The following CEL variants were observed in gnomAD, a reference collection of about 807,000 sequenced individuals.
The protein encoded by CEL is carboxyl ester lipase.
In CEL, 39 loss-of-function variants were observed where a neutral mutation model predicts 57.1. That is an observed-to-expected ratio of 0.68 (90% CI 0.53 to 0.89). The LOEUF (loss-of-function observed/expected upper bound fraction) is 0.89. Among genes scored for constraint, CEL ranks in the 40% least tolerant of loss-of-function variants. CEL has a pLI of 0.00. For synonymous variants in CEL, 314 were observed against 396.6 expected (o/e 0.79, Z 2.48); for missense variants, 698 against 915.0 (o/e 0.76, Z 3.06).
At chr9:133,067,675 T>A (rs1306822652) in intron 7 of CEL, among the ~76,000 whole-genome samples, 1 of 152,096 alleles carries the variant, frequency 6.6e-6, no homozygotes, top group Non-Finnish European at 1.5e-5. Flanking sequence ...GCCCGGCCCC[T>A]TCTTTATTCT....
intron 7 of CEL, 35 bp downstream of exon 7, chr9:133,067,240 G>A (rs772458342): frequency 4.4e-6 from 7 of 1,586,944 alleles, no homozygotes; most frequent in Admixed American, 1.7e-5. Context: ...ATGGGGTCTC[G>A]AGGTGGGGGT....
chr9:133,070,563 C>T lies in CEL; in HGVS notation c.1389C>T (p.Phe463=), dbSNP rs554390636. ...ATGCAGATGACATTCAGTACGTTTT[C>T]GGGAAGCCCTTCGCCACCCCCACGG... ...ADHADDIQYV[F]GKPFATPTGY... Residue 463 remains phenylalanine, a synonymous_variant, in exon 10 of 11, where the codon TTC becomes TTT. Transcript: ENST00000372080. The T allele has an allele frequency of 1.5e-5, 25 of 1,614,086 alleles. No homozygotes were observed. Among genetic ancestry groups the T allele is most frequent in the Middle Eastern group, 1.6e-4 (1 of 6,062 alleles).
In CEL at chr9:133,067,101, T is replaced by C; in HGVS notation, c.791T>C (p.Val264Ala). 1.9e-6 allele frequency: 3 copies of C among 1,614,028 alleles called. No individual in the cohort carries two copies. In the South Asian group the frequency reaches 3.3e-5, roughly 18 times the overall value. The change falls in exon 7 of 11, where the codon GTG becomes GCG. Residue 264 changes from valine (V) to alanine (A), a missense_variant. By Grantham distance (64) the Val-to-Ala change is moderately conservative. This residue lies in a region of CEL where 327 missense variants were observed against 374.1 expected (regional missense o/e 0.87). Coordinates refer to ENST00000372080, the MANE Select transcript of CEL (RefSeq NM_001807.6). ...TTCTGCCCCCAGGTGGCTGAGAAGG[T>C]GGGTTGCCCTGTGGGTGATGCCGCC... Reference protein sequence around the residue: ...LFWAKKVAEKVGCPVGDAARM... With the variant: ...LFWAKKVAEKAGCPVGDAARM...
chr9:133,066,647 G>A lies in CEL; in HGVS notation c.656G>A (p.Ser219Asn). 1 of 1,613,592 alleles carries A rather than the reference G, an allele frequency of 6.2e-7. No individual in the cohort carries two copies. Among genetic ancestry groups the A allele is most frequent in the Non-Finnish European group, 8.5e-7 (1 of 1,179,906 alleles). ...TTCGGGGAGTCTGCTGGAGGTGCCA[G>A]CGTCTCTCTGCAGGTCTCGGGATCC... Reference protein sequence around the residue: ...TLFGESAGGASVSLQTLSPYN... With the variant: ...TLFGESAGGANVSLQTLSPYN... The change falls in exon 5 of 11, where the codon AGC (serine) becomes AAC (asparagine). Residue 219 changes from serine to asparagine, a missense_variant. Ser to Asn is a conservative substitution (Grantham distance 46, BLOSUM62 1). This residue lies in a region of CEL where 327 missense variants were observed against 374.1 expected (regional missense o/e 0.87). Coordinates refer to ENST00000372080, the MANE Select transcript of CEL (RefSeq NM_001807.6). This position sits in a 1 kb window ranked among gnomAD's most constrained non-coding sequence, Gnocchi z 4.3.
chr9:133,064,231 T>G (rs556655897), intron 1 of CEL, among the ~76,000 whole-genome samples, 173 bp from the exon 2 acceptor site: 2 of 152,312 alleles, frequency 1.3e-5, no homozygotes, highest in South Asian at 2.1e-4. Context: ...ACAGGAATCC[T>G]AAAGCCCTGA....
Position 133,071,742 on chromosome 9 carries a change from T to G in CEL, c.2240T>G (p.Met747Arg), listed in dbSNP as rs1241243449. The G allele has an allele frequency of 6.2e-7, 1 of 1,612,242 alleles. No homozygotes were observed. The highest frequency in any genetic ancestry group is 1.7e-5 in the Admixed American group (1 of 59,990). The part of the protein sequence containing the change: ...PPTDDSKEAQ[M>R]PAVIRF ...ACAGATGACTCCAAGGAAGCTCAGA[T>G]GCCTGCAGTCATTAGGTTTTAGCGT... Residue 747 changes from methionine (M) to arginine (R), a missense_variant, in exon 11 of 11, where the codon ATG becomes AGG. Around this residue, in one of 6 missense-constraint regions of CEL, gnomAD observed 238 missense variants for 213.7 expected, o/e 1.11. Transcript: ENST00000372080.
At chr9:133,069,848 A>G (rs1402137149) in intron 9 of CEL, among the ~76,000 whole-genome samples, 9 of 152,082 alleles carry the variant, frequency 5.9e-5, no homozygotes, top group South Asian at 2.1e-4. Context: ...GTGCATGCCT[A>G]TAATCCTAGC....
intron 7 of CEL, 49 bp downstream of exon 7, chr9:133,067,254 G>T (rs776968541): frequency 3.9e-6 from 6 of 1,521,260 alleles, no homozygotes; most frequent in Non-Finnish European, 5.4e-6. Context: ...TGGGGGTTGA[G>T]GGGGGTACTG....
intron 4 of CEL, among the ~76,000 whole-genome samples, chr9:133,065,846 CAAA>C (rs34365056): frequency 7.9e-5 from 6 of 75,820 alleles, no homozygotes; most frequent in African/African-American, 1.0e-4. Flanking sequence ...AACTCTGTCT[CAAA>C]AAAAAAAAAA....
Position 133,065,120 on chromosome 9 carries a change from A to G in CEL, c.421A>G (p.Asn141Asp). The change falls in exon 4 of 11, where the codon AAC becomes GAC. Residue 141 changes from asparagine (N) to aspartate (D), a missense_variant. Asn to Asp is a conservative substitution (Grantham distance 23). This residue lies in a region of CEL where 327 missense variants were observed against 374.1 expected (regional missense o/e 0.87). Transcript: ENST00000372080. ...GTCCGGCCATGGGGCCAACTTCCTCAACAACTACCTGTATGACGGCGAGGA... is the reference window on the plus strand; with the variant it reads ...GTCCGGCCATGGGGCCAACTTCCTCGACAACTACCTGTATGACGGCGAGGA... The part of the protein sequence containing the change: ...MGSGHGANFL[N>D]NYLYDGEEIA... 1 of 1,613,952 alleles carries G rather than the reference A, an allele frequency of 6.2e-7. No individual in the cohort carries two copies. Among genetic ancestry groups the G allele is most frequent in the Non-Finnish European group, 8.5e-7 (1 of 1,180,028 alleles).
At position 133,071,540 on chromosome 9, in the gene CEL, C is replaced by A. The variant is rs1478720137; in HGVS notation, c.2038C>A (p.Pro680Thr). ...VPPTGDAGPP[P>T]VPPTGDSGAP... ...GCCCACGGGTGACGCCGGGCCCCCC[C>A]CCGTGCCGCCCACGGGTGACTCCGG... is the stretch of plus-strand genomic sequence containing the variant. Residue 680 changes from proline (P) to threonine (T), a missense_variant, in exon 11 of 11, where the codon CCC becomes ACC. By Grantham distance (38) the Pro-to-Thr change is conservative (BLOSUM62 -1). Around this residue, in one of 6 missense-constraint regions of CEL, gnomAD observed 238 missense variants for 213.7 expected, o/e 1.11. Coordinates refer to ENST00000372080, the MANE Select transcript of CEL (RefSeq NM_001807.6). 6 of 843,524 alleles carry A rather than the reference C, an allele frequency of 7.1e-6. No homozygotes were observed. The highest frequency in any genetic ancestry group is 3.3e-5 in the Admixed American group (1 of 30,724). The allele number at this position is 843,524 out of a possible 1,614,324, so 52.3% of individuals were successfully genotyped here. A position where few individuals can be genotyped will look rare whatever the true frequency, so the allele number is the denominator to read the frequency against.
At chr9:133,070,746 G>A (rs915890497) in intron 10 of CEL, 88 bp downstream of exon 10, 2 of 1,568,192 alleles carry the variant, frequency 1.3e-6, no homozygotes, top group Admixed American at 3.4e-5. Flanking sequence ...TGCCAGTGGA[G>A]GGACTTTGGG....
At chr9:133,064,857 T>G (rs1331562333) in intron 3 of CEL, 95 bp downstream of exon 3, 1 of 1,593,258 alleles carries the variant, frequency 6.3e-7, no homozygotes, top group African/African-American at 1.3e-5. Flanking sequence ...AAGCTGAACT[T>G]CCATGAAATC....
chr9:133,070,762 C>T, intron 10 of CEL, 104 bp downstream of exon 10: 2 of 1,420,942 alleles, frequency 1.4e-6, no homozygotes, highest in Non-Finnish European at 9.9e-7. Flanking sequence ...TTGGGCAAGT[C>T]ACTTAACCTC....
chr9:133,070,630 G>A lies in CEL; in HGVS notation c.1456G>A (p.Ala486Thr), dbSNP rs757316520. 13 of 1,614,174 alleles carry A rather than the reference G, an allele frequency of 8.1e-6. No individual in the cohort carries two copies. The highest frequency in any genetic ancestry group is 5.0e-5 in the Admixed American group (3 of 60,030). ...CAGGACAGTCTCTAAGGCCATGATC[G>A]CCTACTGGACCAACTTTGCCAAAAC... ...QDRTVSKAMI[A>T]YWTNFAKTGD... The change falls in exon 10 of 11, where the codon GCC (alanine) becomes ACC (threonine). Residue 486 changes from alanine (A) to threonine (T), a missense_variant. Transcript: ENST00000372080.
rs1830242805 is a variant in CEL, at chr9:133,070,529, G to A, written c.1355G>A (p.Gly452Glu). 1 of 1,613,904 alleles carries A rather than the reference G, an allele frequency of 6.2e-7. No individual in the cohort carries two copies. The highest frequency in any genetic ancestry group is 1.3e-5 in the African/African-American group (1 of 74,860). The change falls in exon 10 of 11, where the codon GGG becomes GAG. Residue 452 changes from glycine (G) to glutamate (E), a missense_variant. Gly to Glu is a moderately conservative substitution (Grantham distance 98). Transcript: ENST00000372080. ...ATGCCCGTCTACCCCAAATGGGTGG[G>A]GGCCGACCATGCAGATGACATTCAG... is the stretch of plus-strand genomic sequence containing the variant. ...SRMPVYPKWVGADHADDIQYV... is the reference protein window; with the variant it reads ...SRMPVYPKWVEADHADDIQYV...
Position 133,066,952 on chromosome 9 carries a change from G to A in CEL, c.777+7G>A, listed in dbSNP as rs200749469. ...ACTCTTCTGGGCCAAAAAGGTAAAC[G>A]GAGGAGGGCAGGGCTGGGCGGGGTG... On this transcript the variant is annotated splice_region_variant and intron_variant, in intron 6 of 10. Coordinates refer to ENST00000372080, the MANE Select transcript of CEL (RefSeq NM_001807.6). This position sits in a 1 kb window ranked among gnomAD's most constrained non-coding sequence, Gnocchi z 4.3. 4.3e-4 allele frequency: 697 copies of A among 1,607,458 alleles called. 3 individuals carry two copies. Among genetic ancestry groups the A allele is most frequent in the East Asian group, 2.8e-3 (125 of 44,814 alleles).
At chr9:133,070,693 C>T (rs1235430192) in intron 10 of CEL, 35 bp downstream of exon 10, 4 of 1,613,674 alleles carry the variant, frequency 2.5e-6, no homozygotes, top group Admixed American at 3.3e-5. Context: ...CGGAGGGCCA[C>T]AGCCGAGAAG....
At chr9:133,068,058 A>G (rs985938576) in intron 7 of CEL, among the ~76,000 whole-genome samples, 6 of 152,164 alleles carry the variant, frequency 3.9e-5, no homozygotes, top group Admixed American at 1.3e-4. Context: ...ACCTGACATG[A>G]GCTCAACTGC....
Sources: gnomAD v4.1 joint callset for allele counts (sites outside exome capture counted in the v4.1 genomes callset) on GRCh38, gnomAD v4.1.1 for gene constraint, gnomAD v4.1.1 regional missense constraint, Gnocchi (gnomAD v3.1) non-coding constraint, MANE v1.5 for transcripts, NCBI Gene and HGNC (gene_info 2026-07-23, HGNC 2026-07-21) for gene names.